Variants in THBS4 observed in about 807,000 individuals in gnomAD.
THBS4 encodes thrombospondin 4.
Under a neutral mutation model 115.7 loss-of-function variants are expected in THBS4, and 90 were observed. The observed-to-expected ratio is 0.78, with a 90% CI of 0.66 to 0.93. The LOEUF (loss-of-function observed/expected upper bound fraction) is 0.93, where lower values mean the gene tolerates loss of function less well. THBS4 is among the 40% of genes least tolerant of loss of function. The pLI is 0.00. For missense variants in THBS4, 1,087 were observed against 1,232.7 expected (o/e 0.88, Z 1.77); for synonymous variants, 460 against 479.3 (o/e 0.96, Z 0.53).
chr5:80,060,700 A>G (rs1833602239), intron 7 of THBS4, among the ~76,000 whole-genome samples: 1 of 152,208 alleles, frequency 6.6e-6, no homozygotes, highest in Non-Finnish European at 1.5e-5. Flanking sequence ...TTGAGGCTGC[A>G]GTGAGCCATG....
chr5:80,080,579 C>CTTTTTTTTTATTTTTTTTTTTTTTTTTT (rs1743445493), intron 20 of THBS4, among the ~76,000 whole-genome samples: 1 of 50,464 alleles, frequency 2.0e-5, no homozygotes, highest in Non-Finnish European at 3.5e-5. Context: ...GCGCTTGTAT[C>CTTTTTTTTTATTTTTTTTTTTTTTTTTT]TTTTTTTTTT....
chr5:80,075,622 T>C (rs1260906221), intron 15 of THBS4, among the ~76,000 whole-genome samples: 4 of 152,200 alleles, frequency 2.6e-5, no homozygotes, highest in Non-Finnish European at 5.9e-5. Context: ...AAATATCCTG[T>C]CCCACCAGCC....
At chr5:80,011,575 A>C (rs992774131) in intron 2 of THBS4, among the ~76,000 whole-genome samples, 7 of 152,132 alleles carry the variant, frequency 4.6e-5, no homozygotes, top group Admixed American at 3.3e-4. Context: ...AACCCACCAA[A>C]CACAGAAGCA....
At chr5:80,017,217 C>T (rs1218222334) in intron 2 of THBS4, among the ~76,000 whole-genome samples, 6 of 152,006 alleles carry the variant, frequency 3.9e-5, no homozygotes, top group African/African-American at 1.2e-4. Flanking sequence ...AAAATAATAC[C>T]GTAAAGAAAA....
intron 1 of THBS4, among the ~76,000 whole-genome samples, chr5:79,997,688 A>G (rs1342548217): frequency 3.9e-5 from 6 of 152,232 alleles, no homozygotes; most frequent in African/African-American, 1.4e-4. Flanking sequence ...ACCCAGTGAC[A>G]GCAGAACATA....
intron 2 of THBS4, among the ~76,000 whole-genome samples, chr5:80,027,661 G>C (rs2913545): frequency 0.41 from 61,801 of 151,540 alleles, 12,735 homozygotes; most frequent in Middle Eastern, 0.49. Context: ...TTTGGGAGGC[G>C]GAGGCAGGTG....
At chr5:80,039,649 C>G (rs1030014304) in intron 1 of THBS4, among the ~76,000 whole-genome samples, 5 of 152,218 alleles carry the variant, frequency 3.3e-5, no homozygotes, top group African/African-American at 9.6e-5. Context: ...ACAATTGGCT[C>G]TGGTCCTGGA....
intron 7 of THBS4, 133 bp from the exon 8 acceptor site, chr5:80,061,562 C>G (rs1833635130): frequency 8.1e-7 from 1 of 1,227,872 alleles, no homozygotes; most frequent in African/African-American, 1.5e-5. Context: ...GAGTTGGAAG[C>G]CTTTATTTCC....
chr5:80,074,282 A>C (rs1743076701), intron 15 of THBS4: 1 of 152,158 alleles, frequency 6.6e-6, no homozygotes, highest in South Asian at 2.1e-4. Context: ...GTTCTGTGGA[A>C]GTGAGTTTTG....
chr5:80,035,714 C>T lies in THBS4; in HGVS notation c.88+89C>T, dbSNP rs148180881. 6.6e-4 allele frequency: 631 copies of T among 958,270 alleles called. 1 individual carries two copies. The African/African-American group carries it at 8.2e-3, about 12-fold the overall frequency. 59.4% of individuals were successfully genotyped at this position (958,270 alleles called of 1,614,324 possible). ...GGAGGGACTTGCTCGGCCCTGTGCT[C>T]CTGTGGCCTTGCTCAGCCCCTCTCT... On this transcript the variant is annotated intron_variant, in intron 1 of 21. Transcript: ENST00000350881. This position sits in a 1 kb window ranked among gnomAD's most constrained non-coding sequence, Gnocchi z 4.6.
At chr5:80,001,718 A>G (rs776799549) in intron 2 of THBS4, among the ~76,000 whole-genome samples, 1 of 152,210 alleles carries the variant, frequency 6.6e-6, no homozygotes, top group Admixed American at 6.5e-5. Context: ...GTATAATTCA[A>G]CATTTCAGGA....
chr5:80,023,949 T>A (rs1380592255), intron 2 of THBS4, among the ~76,000 whole-genome samples: 1 of 151,986 alleles, frequency 6.6e-6, no homozygotes, highest in Non-Finnish European at 1.5e-5. Context: ...GAGGAATCCA[T>A]CCCCAGGATT....
intron 2 of THBS4, among the ~76,000 whole-genome samples, chr5:80,014,297 C>T (rs2151155799): frequency 6.6e-6 from 1 of 152,326 alleles, no homozygotes; most frequent in South Asian, 2.1e-4. Context: ...TGGCCTCCAA[C>T]AGATATGACC....
At chr5:80,041,737 C>T (rs773759022) in intron 2 of THBS4, among the ~76,000 whole-genome samples, 22 of 152,166 alleles carry the variant, frequency 1.4e-4, no homozygotes, top group Admixed American at 5.9e-4. Flanking sequence ...GGGGACAACA[C>T]CTGTTCCTGT....
chr5:80,080,140 C>T (rs1372262067), intron 20 of THBS4, 63 bp downstream of exon 20: 7 of 1,528,266 alleles, frequency 4.6e-6, no homozygotes, highest in Non-Finnish European at 6.2e-6. Flanking sequence ...TTCTGCATCC[C>T]AGAGCCTTCA....
At position 80,078,920 on chromosome 5, in the gene THBS4, G is replaced by A. The variant is rs1215370884; in HGVS notation, c.2266-1G>A. ...CTGAACTCCCTCAACTCTCTCTGCA[G>A]GGCATGGAGATTGTACAGACCATGA... On this transcript the variant is annotated splice_acceptor_variant, in intron 17 of 21. Coordinates refer to ENST00000350881, the MANE Select transcript of THBS4 (RefSeq NM_003248.6). LOFTEE classifies it high-confidence loss of function. 2 of 1,613,740 alleles carry A rather than the reference G, an allele frequency of 1.2e-6. No individual in the cohort carries two copies. Among genetic ancestry groups the A allele is most frequent in the East Asian group, 4.5e-5 (2 of 44,882 alleles).
At chr5:80,059,641 GT>G in intron 6 of THBS4, 61 bp from the exon 7 acceptor site, 1 of 1,602,616 alleles carries the variant, frequency 6.2e-7, no homozygotes, top group Non-Finnish European at 8.5e-7. Flanking sequence ...ACCAAATTTT[GT>G]TTTGCCTTCT....
intron 2 of THBS4, among the ~76,000 whole-genome samples, chr5:80,048,647 TG>T (rs1833154031): frequency 1.3e-5 from 2 of 151,858 alleles, no homozygotes; most frequent in African/African-American, 4.8e-5. Flanking sequence ...TGTGTGTGTG[TG>T]TGTGTGTGTG....
chr5:80,032,440 G>A (rs908747429), upstream of THBS4, among the ~76,000 whole-genome samples: 4 of 152,168 alleles, frequency 2.6e-5, no homozygotes, highest in Non-Finnish European at 5.9e-5. Context: ...AGGATAGATA[G>A]GAAGGGGAGT....
Sources: gnomAD v4.1 joint callset for allele counts (sites outside exome capture counted in the v4.1 genomes callset) on GRCh38, gnomAD v4.1.1 for gene constraint, Gnocchi (gnomAD v3.1) non-coding constraint, MANE v1.5 for transcripts, NCBI Gene and HGNC (gene_info 2026-07-23, HGNC 2026-07-21) for gene names.